CPED1: variants seen among roughly 807,000 people sequenced by gnomAD.
The protein encoded by CPED1 is cadherin-like and PC-esterase domain-containing protein 1.
Under a neutral mutation model 128.2 loss-of-function variants are expected in CPED1, and 114 were observed. The observed-to-expected ratio is 0.89, with a 90% CI of 0.76 to 1.04. CPED1 has a LOEUF of 1.04. Among genes scored for constraint, CPED1 ranks in the 50% least tolerant of loss-of-function variants. The probability of loss-of-function intolerance (pLI) is 0.00; values close to 1 mark genes in which losing one functional copy is unlikely to be tolerated. For synonymous variants in CPED1, 462 were observed against 426.7 expected, an observed-to-expected ratio of 1.08 and a Z score of -1.02; for missense variants, 1,211 against 1,207.1, an observed-to-expected ratio of 1.00 and a Z score of -0.05.
intron 5 of CPED1, among the ~76,000 whole-genome samples, chr7:121,085,894 G>A (rs1794415954): frequency 6.6e-6 from 1 of 152,162 alleles, no homozygotes; most frequent in Non-Finnish European, 1.5e-5. Context: ...TGTCCCGACT[G>A]AGCCTGAAAT....
chr7:121,227,623 G>A (rs564098664), intron 16 of CPED1, among the ~76,000 whole-genome samples: 1 of 152,038 alleles, frequency 6.6e-6, no homozygotes, highest in South Asian at 2.1e-4. Context: ...ATATTAAGAT[G>A]AAGCGGCAGA....
At chr7:120,994,625 C>CTGTGTGTG (rs35288728) in intron 2 of CPED1, among the ~76,000 whole-genome samples, 18,250 of 144,354 alleles carry the variant, frequency 0.13, 1,333 homozygotes, top group African/African-American at 0.18. Flanking sequence ...ATTTGTTATA[C>CTGTGTGTG]TGTGTGTGTG....
At chr7:121,134,913 A>G (rs981223820) in intron 13 of CPED1, among the ~76,000 whole-genome samples, 3 of 152,036 alleles carry the variant, frequency 2.0e-5, no homozygotes, top group Non-Finnish European at 4.4e-5. Flanking sequence ...AATAATATAT[A>G]CAAAATTTAA....
At chr7:121,068,650 A>G (rs1282244007) in intron 5 of CPED1, among the ~76,000 whole-genome samples, 1 of 149,598 alleles carries the variant, frequency 6.7e-6, no homozygotes, top group African/African-American at 2.5e-5. Context: ...AATTCTTTGA[A>G]GAAAGTCATT....
intron 16 of CPED1, among the ~76,000 whole-genome samples, chr7:121,151,605 C>A (rs1242845733): frequency 4.6e-5 from 7 of 152,126 alleles, no homozygotes; most frequent in African/African-American, 1.7e-4. Flanking sequence ...TAATATTTGC[C>A]TTAGAAATAA....
chr7:121,130,258 T>A lies in CPED1; in HGVS notation c.1541T>A (p.Phe514Tyr). The A allele has an allele frequency of 6.2e-7, 1 of 1,608,132 alleles. No homozygotes were observed. The highest frequency in any genetic ancestry group is 8.5e-7 in the Non-Finnish European group (1 of 1,177,754). The change falls in exon 12 of 23, where the codon TTC becomes TAC. Residue 514 changes from phenylalanine (F) to tyrosine (Y), a missense_variant. Phe to Tyr is a conservative substitution (Grantham distance 22). Coordinates refer to ENST00000310396, the MANE Select transcript of CPED1 (RefSeq NM_024913.5). ...TTAAATGTATTTGAACAATTTCAGT[T>A]CATGAATAAAAAGACACAGCCACAT... ...SLLNVFEQFQFMNKKTQPHPL... is the reference protein window; with the variant it reads ...SLLNVFEQFQYMNKKTQPHPL...
At chr7:121,100,266 G>A (rs1176932942) in intron 7 of CPED1, among the ~76,000 whole-genome samples, 172 bp downstream of exon 7, 1 of 152,112 alleles carries the variant, frequency 6.6e-6, no homozygotes, top group African/African-American at 2.4e-5. Flanking sequence ...GTTTAAAAAT[G>A]AACTGGAAGC....
chr7:121,073,807 AT>A (rs34082656), intron 5 of CPED1, among the ~76,000 whole-genome samples: 1,825 of 134,266 alleles, frequency 0.014, 23 homozygotes, highest in African/African-American at 0.044. Context: ...ACCTCTTCCC[AT>A]TTTTTTTTTT....
intron 16 of CPED1, among the ~76,000 whole-genome samples, chr7:121,197,171 G>A (rs899163464): frequency 6.2e-5 from 9 of 145,288 alleles, no homozygotes; most frequent in African/African-American, 2.1e-4. Flanking sequence ...GTACTATTAA[G>A]AGAGCATTCT....
At chr7:120,996,690 G>A (rs990046172) in intron 2 of CPED1, among the ~76,000 whole-genome samples, 4 of 152,104 alleles carry the variant, frequency 2.6e-5, no homozygotes, top group African/African-American at 9.7e-5. Context: ...TATGTAAAGT[G>A]GAATTTTCTC....
intron 3 of CPED1, among the ~76,000 whole-genome samples, chr7:121,032,008 C>G (rs1008033293): frequency 3.3e-5 from 5 of 152,028 alleles, no homozygotes; most frequent in African/African-American, 1.2e-4. Context: ...GGTGAGGATT[C>G]TGAGAAAGAA....
At chr7:121,185,417 A>C (rs1403882604) in intron 16 of CPED1, among the ~76,000 whole-genome samples, 1 of 152,194 alleles carries the variant, frequency 6.6e-6, no homozygotes, top group Admixed American at 6.5e-5. Flanking sequence ...TTTTTACCCC[A>C]AACAAGTTTA....
At chr7:121,030,749 T>C (rs1330828004) in intron 3 of CPED1, among the ~76,000 whole-genome samples, 1 of 152,196 alleles carries the variant, frequency 6.6e-6, no homozygotes, top group African/African-American at 2.4e-5. Context: ...TATGTATATA[T>C]AGGAAAAAAA....
chr7:121,099,810 T>C (rs961750467), intron 6 of CPED1, 116 bp from the exon 7 acceptor site: 8 of 1,042,760 alleles, frequency 7.7e-6, no homozygotes, highest in Non-Finnish European at 1.1e-5. Flanking sequence ...ACCCACACAC[T>C]GAGGGCTGGC....
At chr7:121,280,826 T>C (rs1050763829) in intron 22 of CPED1, among the ~76,000 whole-genome samples, 2 of 152,184 alleles carry the variant, frequency 1.3e-5, no homozygotes, top group African/African-American at 4.8e-5. Flanking sequence ...TTAGGCTACT[T>C]TTTCAGCTGG....
intron 7 of CPED1, among the ~76,000 whole-genome samples, chr7:121,102,085 A>G (rs747408659): frequency 3.3e-5 from 5 of 152,080 alleles, no homozygotes; most frequent in African/African-American, 4.8e-5. Context: ...CTTAAAAACT[A>G]TGTATATTTT....
At chr7:121,117,132 G>C (rs967882752) in intron 7 of CPED1, among the ~76,000 whole-genome samples, 23 of 128,528 alleles carry the variant, frequency 1.8e-4, no homozygotes, top group African/African-American at 6.6e-4. Context: ...ATGGAGTCTC[G>C]CTCTGTCACC....
intron 3 of CPED1, among the ~76,000 whole-genome samples, chr7:121,032,156 A>C (rs970840556): frequency 1.2e-4 from 19 of 152,196 alleles, no homozygotes; most frequent in Admixed American, 2.6e-4. Flanking sequence ...ATAGAATTTA[A>C]AGCATCAAAA....
At chr7:121,145,685 T>C (rs1796008907) in intron 16 of CPED1, among the ~76,000 whole-genome samples, 1 of 152,116 alleles carries the variant, frequency 6.6e-6, no homozygotes, top group Non-Finnish European at 1.5e-5. Flanking sequence ...CTATTATTTC[T>C]CTTTTATATT....
Sources: allele counts gnomAD v4.1 joint callset (sites outside exome capture counted in the v4.1 genomes callset), GRCh38; gene constraint gnomAD v4.1.1; transcripts MANE v1.5; gene names NCBI Gene and HGNC (gene_info 2026-07-23, HGNC 2026-07-21).